The following GPHN variants were observed in gnomAD, a reference collection of about 807,000 sequenced individuals.
The protein encoded by GPHN is gephyrin.
Under a neutral mutation model 95.5 loss-of-function variants are expected in GPHN, and 17 were observed. The ratio of observed to expected loss-of-function variants is 0.18; its 90% CI spans 0.12 to 0.27. The LOEUF is 0.27. Ranked by LOEUF, GPHN falls within the 10% of genes least tolerant of loss-of-function variation. GPHN has a pLI of 1.00. For synonymous variants in GPHN, 320 were observed against 322.5 expected (o/e 0.99, Z 0.08); for missense variants, 660 against 978.1 (o/e 0.67, Z 4.34).
At chr14:67,500,641 G>A in the GPHN span, among the ~76,000 whole-genome samples, 2 of 147,330 alleles carry the variant, frequency 1.4e-5, no homozygotes, top group African/African-American at 5.0e-5. Flanking sequence ...GCGCGATCTC[G>A]GCTCACTGCA....
chr14:67,168,666 G>A (rs2082420646), intron 20 of GPHN, among the ~76,000 whole-genome samples: 1 of 152,106 alleles, frequency 6.6e-6, no homozygotes, highest in African/African-American at 2.4e-5. Context: ...GCTTTCAGCT[G>A]GCTCTCAGGA....
At position 66,801,620 on chromosome 14, in the gene GPHN, C is replaced by T. The variant is rs559404239; in HGVS notation, c.202-22854C>T. Among the ~76,000 whole-genome samples, 6 of 133,694 alleles carry T rather than the reference C, an allele frequency of 4.5e-5. No homozygotes were observed. The South Asian group carries it at 1.8e-3, about 40-fold the overall frequency. The allele number at this position is 133,694 out of a possible 152,430, so 87.7% of individuals were successfully genotyped here. A position where few individuals can be genotyped will look rare whatever the true frequency, so the allele number is the denominator to read the frequency against. Reference sequence around the variant, plus strand: ...CCCTCTCTCTCTCTCTCCTCCCCTCCCCCCGCTCTCTCCCCCCTCTCTCTC... The same window carrying T: ...CCCTCTCTCTCTCTCTCCTCCCCTCTCCCCGCTCTCTCCCCCCTCTCTCTC... On this transcript the variant is annotated intron_variant, in intron 3 of 22. Coordinates refer to ENST00000478722, the MANE Select transcript of GPHN (RefSeq NM_020806.5).
At chr14:67,690,180 C>T in the GPHN span, 1 of 1,589,228 alleles carries the variant, frequency 6.3e-7, no homozygotes, top group Non-Finnish European at 8.6e-7. Flanking sequence ...CTCTCTGACT[C>T]ATGTCTCCAC....
chr14:66,974,346 T>C (rs929946548), intron 9 of GPHN, among the ~76,000 whole-genome samples: 1 of 152,138 alleles, frequency 6.6e-6, no homozygotes, highest in Non-Finnish European at 1.5e-5. Flanking sequence ...TTTTTCTTTT[T>C]TCGTTCATGC....
the GPHN span, among the ~76,000 whole-genome samples, chr14:67,345,412 C>T: frequency 2.0e-5 from 3 of 151,826 alleles, no homozygotes; most frequent in South Asian, 6.2e-4. Context: ...CAAAAGTTAG[C>T]CAGGCATGGT....
chr14:67,545,623 T>C, the GPHN span, among the ~76,000 whole-genome samples: 6 of 152,326 alleles, frequency 3.9e-5, no homozygotes, highest in South Asian at 1.0e-3. Context: ...TATTGCAGCA[T>C]TGATGTATGA....
At chr14:66,629,377 A>G (rs2063696251) in intron 1 of GPHN, among the ~76,000 whole-genome samples, 1 of 151,720 alleles carries the variant, frequency 6.6e-6, no homozygotes, top group Non-Finnish European at 1.5e-5. Context: ...CAGGATCATC[A>G]GTATCACTGT....
intron 4 of GPHN, among the ~76,000 whole-genome samples, chr14:66,827,010 A>C (rs1287422153): frequency 6.6e-6 from 1 of 152,182 alleles, no homozygotes; most frequent in African/African-American, 2.4e-5. Flanking sequence ...TGGGCCTGGC[A>C]TGGTGGCTCA....
intron 18 of GPHN, among the ~76,000 whole-genome samples, chr14:67,148,069 T>C (rs2081004375): frequency 6.6e-6 from 1 of 152,150 alleles, no homozygotes; most frequent in Admixed American, 6.5e-5. Flanking sequence ...ATGGGGCACT[T>C]GATGAAGACC....
chr14:66,900,778 C>A (rs1375766968), intron 5 of GPHN, among the ~76,000 whole-genome samples: 1 of 151,926 alleles, frequency 6.6e-6, no homozygotes, highest in Non-Finnish European at 1.5e-5. Context: ...TTTTCTTTAT[C>A]CATTTGTATG....
intron 17 of GPHN, among the ~76,000 whole-genome samples, chr14:67,131,400 C>T (rs2079698145): frequency 1.3e-5 from 2 of 152,244 alleles, no homozygotes; most frequent in Admixed American, 1.3e-4. Flanking sequence ...AGTAGGGATA[C>T]ATTAAACAGC....
At chr14:66,533,112 A>G (rs1281674597) in intron 1 of GPHN, among the ~76,000 whole-genome samples, 1 of 152,226 alleles carries the variant, frequency 6.6e-6, no homozygotes, top group Non-Finnish European at 1.5e-5. Context: ...TTGTTAATTA[A>G]TAAATGTTTT....
At chr14:67,445,574 A>ATTTTTTTTTTT in the GPHN span, among the ~76,000 whole-genome samples, 4 of 98,672 alleles carry the variant, frequency 4.1e-5, no homozygotes, top group African/African-American at 1.4e-4. Flanking sequence ...AAGAGAGGCA[A>ATTTTTTTTTTT]TTCTTTTTTT....
chr14:67,444,218 T>C, the GPHN span, among the ~76,000 whole-genome samples: 2,093 of 152,334 alleles, frequency 0.014, 25 homozygotes, highest in Non-Finnish European at 0.021. Flanking sequence ...CTTGAGCATA[T>C]GTTGTCAGGA....
chr14:66,685,961 A>C (rs2067326628), intron 2 of GPHN, among the ~76,000 whole-genome samples: 1 of 151,658 alleles, frequency 6.6e-6, no homozygotes, highest in Non-Finnish European at 1.5e-5. Flanking sequence ...AGCTTTCTAC[A>C]TTTGGCTAGC....
At chr14:66,543,970 G>A (rs572201289) in intron 1 of GPHN, among the ~76,000 whole-genome samples, 8 of 152,328 alleles carry the variant, frequency 5.3e-5, no homozygotes, top group African/African-American at 1.7e-4. Context: ...GGACTCTCCA[G>A]TGGCTCTTCA....
At chr14:66,834,528 T>C (rs1275671053) in intron 4 of GPHN, among the ~76,000 whole-genome samples, 3 of 152,052 alleles carry the variant, frequency 2.0e-5, no homozygotes, top group Non-Finnish European at 4.4e-5. Flanking sequence ...GGTTTTTGTC[T>C]TTGGCTCTGT....
chr14:67,645,329 C>A, the GPHN span, among the ~76,000 whole-genome samples: 1 of 152,126 alleles, frequency 6.6e-6, no homozygotes, highest in Non-Finnish European at 1.5e-5. Context: ...TGATTTCATT[C>A]ATTGAACAAA....
intron 1 of GPHN, among the ~76,000 whole-genome samples, chr14:66,655,363 G>A (rs2153368857): frequency 6.6e-6 from 1 of 152,136 alleles, no homozygotes; most frequent in South Asian, 2.1e-4. Flanking sequence ...TTTTTTTTAA[G>A]CAATGATAAG....
Sources: gnomAD v4.1 joint callset for allele counts (sites outside exome capture counted in the v4.1 genomes callset) on GRCh38, gnomAD v4.1.1 for gene constraint, MANE v1.5 for transcripts, NCBI Gene and HGNC (gene_info 2026-07-23, HGNC 2026-07-21) for gene names.